TRABD2B: variants seen among roughly 807,000 people sequenced by gnomAD.
TRABD2B encodes the protein TraB domain containing 2B.
Under a neutral mutation model 40.1 loss-of-function variants are expected in TRABD2B, and 14 were observed. That is an observed-to-expected ratio of 0.35 (90% confidence interval 0.23 to 0.55). The LOEUF (loss-of-function observed/expected upper bound fraction) is 0.55, where lower values mean the gene tolerates loss of function less well. Among genes scored for constraint, TRABD2B ranks in the 20% least tolerant of loss-of-function variants. The pLI is 0.90. For missense variants in TRABD2B, 541 were observed against 648.6 expected (o/e 0.83, Z 1.80); for synonymous variants, 263 against 277.0 (o/e 0.95, Z 0.50).
At chr1:47,842,339 G>T (rs1278453966) in intron 2 of TRABD2B, among the ~76,000 whole-genome samples, 1 of 152,102 alleles carries the variant, frequency 6.6e-6, no homozygotes, top group Non-Finnish European at 1.5e-5. Flanking sequence ...CAGGGCTCAG[G>T]GGATCACATT....
At chr1:47,955,465 C>G (rs1227590561) in intron 2 of TRABD2B, among the ~76,000 whole-genome samples, 1 of 152,204 alleles carries the variant, frequency 6.6e-6, no homozygotes, top group African/African-American at 2.4e-5. Context: ...TCTTCACCAC[C>G]AGCTCAGCCT....
intron 2 of TRABD2B, among the ~76,000 whole-genome samples, chr1:47,936,466 G>A (rs1423216200): frequency 2.0e-5 from 3 of 152,196 alleles, no homozygotes. Context: ...GGTCTACCAA[G>A]CCTAGAGATG....
intron 2 of TRABD2B, among the ~76,000 whole-genome samples, chr1:47,866,994 G>A (rs1209324644): frequency 6.6e-6 from 1 of 152,096 alleles, no homozygotes; most frequent in Non-Finnish European, 1.5e-5. Context: ...GGAGGAGGCC[G>A]CCCTACACTC....
intron 2 of TRABD2B, among the ~76,000 whole-genome samples, chr1:47,976,014 G>A (rs1359774322): frequency 1.3e-5 from 2 of 152,108 alleles, no homozygotes; most frequent in African/African-American, 4.8e-5. Context: ...AGCTGAGCTG[G>A]GGCCAGACCA....
intron 3 of TRABD2B, 29 bp from the exon 4 acceptor site, chr1:47,794,789 A>ATTTTT: frequency 6.1e-6 from 6 of 982,500 alleles, no homozygotes; most frequent in Non-Finnish European, 8.1e-6. Flanking sequence ...GGCTGCCTTC[A>ATTTTT]GTTTTTTTTT....
At chr1:47,973,921 T>G (rs147105367) in intron 2 of TRABD2B, among the ~76,000 whole-genome samples, 23 of 152,254 alleles carry the variant, frequency 1.5e-4, no homozygotes, top group African/African-American at 5.1e-4. Context: ...CTGGGCAAGA[T>G]AGTGAGATCC....
chr1:47,815,043 G>A (rs2124373327), intron 2 of TRABD2B, among the ~76,000 whole-genome samples: 1 of 152,338 alleles, frequency 6.6e-6, no homozygotes, highest in African/African-American at 2.4e-5. Context: ...CACACAGCAA[G>A]CCAGGGGATG....
intron 2 of TRABD2B, among the ~76,000 whole-genome samples, chr1:47,988,146 G>A (rs1162512034): frequency 6.6e-6 from 1 of 152,162 alleles, no homozygotes; most frequent in Non-Finnish European, 1.5e-5. Flanking sequence ...AGGACTCAAG[G>A]ATGGCCATTC....
chr1:47,851,843 C>T (rs1269080750), intron 2 of TRABD2B, among the ~76,000 whole-genome samples: 4 of 152,170 alleles, frequency 2.6e-5, no homozygotes, highest in African/African-American at 9.7e-5. Flanking sequence ...TGGCGAGGAA[C>T]CCTAGGCTTA....
rs374619396 is a variant in TRABD2B, at chr1:47,802,209, TCTGTGGGCATCAGGATCA to T, written c.667-608_667-591del. Reference sequence around the variant, plus strand: ...GCCACCGTGCCTGTGCCCAGCCAGATCTGTGGGCATCAGGATCACTGTGGGCATCAGGATCACTGACAA... The same window carrying T: ...GCCACCGTGCCTGTGCCCAGCCAGATCTGTGGGCATCAGGATCACTGACAA... On this transcript the variant is annotated intron_variant, in intron 2 of 6. Transcript: ENST00000606738. Among the ~76,000 whole-genome samples, 231 of 152,300 alleles carry T rather than the reference TCTGTGGGCATCAGGATCA, an allele frequency of 1.5e-3. 1 individual carries two copies. The highest frequency in any genetic ancestry group is 5.4e-3 in the African/African-American group (225 of 41,568).
intron 2 of TRABD2B, among the ~76,000 whole-genome samples, chr1:47,987,291 T>A (rs996858297): frequency 6.6e-6 from 1 of 152,142 alleles, no homozygotes; most frequent in East Asian, 1.9e-4. Flanking sequence ...GAAGTCTGTG[T>A]CCATGAGCTG....
chr1:47,790,862 CT>C (rs1438637485), intron 4 of TRABD2B, among the ~76,000 whole-genome samples: 1 of 152,220 alleles, frequency 6.6e-6, no homozygotes, highest in African/African-American at 2.4e-5. Flanking sequence ...CATTTTAATA[CT>C]GTGTTCTCAA....
chr1:47,815,047 G>C (rs996376602), intron 2 of TRABD2B, among the ~76,000 whole-genome samples: 12 of 152,202 alleles, frequency 7.9e-5, no homozygotes, highest in African/African-American at 2.9e-4. Flanking sequence ...CAGCAAGCCA[G>C]GGGATGCAGA....
chr1:47,880,127 T>C (rs1644281930), intron 2 of TRABD2B, among the ~76,000 whole-genome samples: 1 of 152,182 alleles, frequency 6.6e-6, no homozygotes, highest in Non-Finnish European at 1.5e-5. Context: ...CTGGCCAATG[T>C]GGTGAAACCC....
At chr1:47,870,900 C>T (rs941606654) in intron 2 of TRABD2B, among the ~76,000 whole-genome samples, 5 of 152,126 alleles carry the variant, frequency 3.3e-5, no homozygotes, top group Admixed American at 6.5e-5. Context: ...GGCATTTAGG[C>T]AGGGAGAACA....
At chr1:47,967,104 C>T (rs1270879240) in intron 2 of TRABD2B, among the ~76,000 whole-genome samples, 1 of 152,082 alleles carries the variant, frequency 6.6e-6, no homozygotes, top group African/African-American at 2.4e-5. Context: ...TGCTGGCACA[C>T]AGCTCCTTGA....
At chr1:47,903,558 G>C (rs1429185786) in intron 2 of TRABD2B, among the ~76,000 whole-genome samples, 2 of 152,134 alleles carry the variant, frequency 1.3e-5, no homozygotes, top group Admixed American at 1.3e-4. Flanking sequence ...TGTGTGAGGA[G>C]GGAGGCAGTG....
chr1:47,833,994 T>C (rs1202917443), intron 2 of TRABD2B, among the ~76,000 whole-genome samples: 1 of 152,222 alleles, frequency 6.6e-6, no homozygotes, highest in Non-Finnish European at 1.5e-5. Context: ...CCCATACGCC[T>C]TCTGCAGTAT....
Position 47,917,161 on chromosome 1 carries a change from G to A in TRABD2B, c.666+76873C>T, listed in dbSNP as rs574704421. Reference sequence around the variant, plus strand: ...TCCAGGACTCCCCTGGAAGTTGGTGGGCCACAGAGGTGAGAAGAGAGAGTT... The same window carrying A: ...TCCAGGACTCCCCTGGAAGTTGGTGAGCCACAGAGGTGAGAAGAGAGAGTT... On this transcript the variant is annotated intron_variant, in intron 2 of 6. Transcript: ENST00000606738. Among the ~76,000 whole-genome samples the A allele has an allele frequency of 3.9e-5, 6 of 152,290 alleles. No homozygotes were observed. The South Asian group carries it at 1.0e-3, about 26-fold the overall frequency.
Sources: gnomAD v4.1 joint callset for allele counts (sites outside exome capture counted in the v4.1 genomes callset) on GRCh38, gnomAD v4.1.1 for gene constraint, MANE v1.5 for transcripts, NCBI Gene and HGNC (gene_info 2026-07-23, HGNC 2026-07-21) for gene names.